The following GIPC2 variants were observed in gnomAD, a reference collection of about 807,000 sequenced individuals.
GIPC2 encodes GIPC PDZ domain containing family member 2, also known as PDZ domain-containing protein GIPC2.
Under a neutral mutation model 30.6 loss-of-function variants are expected in GIPC2, and 30 were observed. That is an observed-to-expected ratio of 0.98 (90% confidence interval 0.73 to 1.33). The LOEUF is 1.33. Among genes scored for constraint, GIPC2 ranks in the 40% most tolerant of loss-of-function variants. The probability of loss-of-function intolerance (pLI) is 0.00; values close to 1 mark genes in which losing one functional copy is unlikely to be tolerated. For missense variants in GIPC2, 414 were observed against 390.3 expected, an observed-to-expected ratio of 1.06 and a Z score of -0.51; for synonymous variants, 167 against 150.0, an observed-to-expected ratio of 1.11 and a Z score of -0.83.
intron 1 of GIPC2, among the ~76,000 whole-genome samples, chr1:78,068,270 C>G (rs1446039420): frequency 6.6e-6 from 1 of 152,180 alleles, no homozygotes; most frequent in South Asian, 2.1e-4. Context: ...GAGTTAATAT[C>G]CAACTCTCCC....
chr1:78,052,380 G>C (rs1661213225), intron 1 of GIPC2, among the ~76,000 whole-genome samples: 1 of 152,188 alleles, frequency 6.6e-6, no homozygotes, highest in African/African-American at 2.4e-5. Flanking sequence ...TGGCCCTCAA[G>C]GGCCTAGACT....
At chr1:78,130,869 A>G (rs1662880286) in intron 5 of GIPC2, among the ~76,000 whole-genome samples, 1 of 152,242 alleles carries the variant, frequency 6.6e-6, no homozygotes, top group South Asian at 2.1e-4. Context: ...AATGGAAATT[A>G]TATGTTGATC....
At chr1:78,124,571 C>A (rs12758374) in intron 4 of GIPC2, among the ~76,000 whole-genome samples, 75,342 of 152,034 alleles carry the variant, frequency 0.5, 20,401 homozygotes, top group Non-Finnish European at 0.61. Context: ...AAGATCTAGT[C>A]ATATTTGTCA....
Position 78,046,289 on chromosome 1 carries a change from G to A in GIPC2, c.195G>A (p.Glu65=). ...GRVEGFSSIQ[E]LYAQIAGAFE... is the part of the protein sequence containing the mutation. ...TGGAGGGCTTCTCCAGCATCCAGGA[G>A]CTCTACGCCCAGATCGCGGGCGCGT... The change falls in exon 1 of 6, where the codon GAG becomes GAA. Residue 65 remains glutamate, a synonymous_variant. Coordinates refer to ENST00000370759, the MANE Select transcript of GIPC2 (RefSeq NM_017655.6). 2.5e-6 allele frequency: 4 copies of A among 1,612,076 alleles called. No homozygotes were observed. The highest frequency in any genetic ancestry group is 1.3e-5 in the African/African-American group (1 of 74,934).
chr1:78,113,351 G>C (rs1662507280), intron 3 of GIPC2, among the ~76,000 whole-genome samples: 1 of 152,144 alleles, frequency 6.6e-6, no homozygotes, highest in South Asian at 2.1e-4. Flanking sequence ...TTGGACTACA[G>C]GCATGTCCCA....
Position 78,125,874 on chromosome 1 carries a change from G to A in GIPC2, c.715-7G>A. On this transcript the variant is annotated splice_region_variant and splice_polypyrimidine_tract_variant and intron_variant, in intron 4 of 5. Transcript: ENST00000370759. ...ATAATATCTTATTTCTCTCTTTTTTGATAAAGCCTTCTGAAACCAAAGCAA... is the reference window on the plus strand; with the variant it reads ...ATAATATCTTATTTCTCTCTTTTTTAATAAAGCCTTCTGAAACCAAAGCAA... 2 of 1,500,870 alleles carry A rather than the reference G, an allele frequency of 1.3e-6. No individual in the cohort carries two copies. Among genetic ancestry groups the A allele is most frequent in the South Asian group, 1.1e-5 (1 of 88,414 alleles). 93.0% of individuals were successfully genotyped at this position (1,500,870 alleles called of 1,614,324 possible). A position where few individuals can be genotyped will look rare whatever the true frequency, so the allele number is the denominator to read the frequency against.
chr1:78,059,428 A>G (rs1353076925), intron 1 of GIPC2, among the ~76,000 whole-genome samples: 1 of 152,226 alleles, frequency 6.6e-6, no homozygotes, highest in Non-Finnish European at 1.5e-5. Flanking sequence ...TTGAAATGGT[A>G]GAGACCCTGG....
In GIPC2 at chr1:78,137,617, G is replaced by A. The variant is rs1211928568; in HGVS notation, c.*1874G>A. 5.3e-5 allele frequency: 8 copies of A among 152,118 alleles called. No individual in the cohort carries two copies. Among genetic ancestry groups the A allele is most frequent in the Non-Finnish European group, 8.8e-5 (6 of 68,014 alleles). The allele number at this position is 152,118 out of a possible 1,614,324, so 9.4% of individuals were successfully genotyped here. ...TGTACAGCTGTAACTATATATACTT[G>A]TCTGTTAGCATTCAGTGGACCATTA... On this transcript the variant is annotated 3_prime_UTR_variant, in exon 6 of 6. Coordinates refer to ENST00000370759, the MANE Select transcript of GIPC2 (RefSeq NM_017655.6).
At position 78,130,688 on chromosome 1, in the gene GIPC2, A is replaced by G. The variant is rs190104537; in HGVS notation, c.796+4726A>G. Among the ~76,000 whole-genome samples, 102 of 152,328 alleles carry G rather than the reference A, an allele frequency of 6.7e-4. 1 individual carries two copies. Among genetic ancestry groups the G allele is most frequent in the Admixed American group, 1.8e-3 (27 of 15,306 alleles). ...TTCAAACCCTGCTATTTGCCATTTT[A>G]TAGATTTGAAAACTGACATTCAGAG... On this transcript the variant is annotated intron_variant, in intron 5 of 5. Coordinates refer to ENST00000370759, the MANE Select transcript of GIPC2 (RefSeq NM_017655.6).
At chr1:78,062,903 G>A (rs1167820498) in intron 1 of GIPC2, among the ~76,000 whole-genome samples, 2 of 152,114 alleles carry the variant, frequency 1.3e-5, no homozygotes, top group South Asian at 4.1e-4. Context: ...ACAATCTATA[G>A]AAGAAGCAAC....
chr1:78,118,573 A>T (rs1029377511), intron 3 of GIPC2, among the ~76,000 whole-genome samples: 2 of 152,216 alleles, frequency 1.3e-5, no homozygotes, highest in Non-Finnish European at 2.9e-5. Flanking sequence ...GCATAAGGAA[A>T]GTAGTGGCTC....
chr1:78,078,449 C>G (rs1458310265), intron 1 of GIPC2, among the ~76,000 whole-genome samples: 1 of 152,140 alleles, frequency 6.6e-6, no homozygotes, highest in African/African-American at 2.4e-5. Flanking sequence ...AACACAGCTT[C>G]CCATGAAGTT....
intron 1 of GIPC2, among the ~76,000 whole-genome samples, chr1:78,077,565 T>A (rs1661738397): frequency 6.6e-6 from 1 of 152,222 alleles, no homozygotes; most frequent in East Asian, 1.9e-4. Context: ...GAATCAGTCA[T>A]TTTCCTTACG....
At chr1:78,048,573 T>C (rs773466403) in intron 1 of GIPC2, among the ~76,000 whole-genome samples, 3 of 152,126 alleles carry the variant, frequency 2.0e-5, no homozygotes, top group Non-Finnish European at 2.9e-5. Context: ...ACTACAGGCA[T>C]GTGCCACCAC....
intron 1 of GIPC2, among the ~76,000 whole-genome samples, chr1:78,054,305 T>C (rs1661249785): frequency 6.6e-6 from 1 of 152,236 alleles, no homozygotes; most frequent in South Asian, 2.1e-4. Context: ...TTTTTAAATC[T>C]TGTTCTTAGA....
chr1:78,129,542 A>T (rs1175458366), intron 5 of GIPC2, among the ~76,000 whole-genome samples: 1 of 152,244 alleles, frequency 6.6e-6, no homozygotes, highest in Non-Finnish European at 1.5e-5. Flanking sequence ...GGTGTTTATT[A>T]TTTGAAAATG....
rs191580842 is a variant in GIPC2, at chr1:78,123,979, A to G, written c.715-1902A>G. ...AAGTTGTATTAATATCTTCAAGGAAATAGATTTTTATTTGCTATAAAATGC... is the reference window on the plus strand; with the variant it reads ...AAGTTGTATTAATATCTTCAAGGAAGTAGATTTTTATTTGCTATAAAATGC... On this transcript the variant is annotated intron_variant, in intron 4 of 5. Coordinates refer to ENST00000370759, the MANE Select transcript of GIPC2 (RefSeq NM_017655.6). 8.5e-5 allele frequency among the ~76,000 whole-genome samples: 13 copies of G among 152,372 alleles called. No homozygotes were observed. In the East Asian group the frequency reaches 2.5e-3, roughly 29 times the overall value.
At chr1:78,102,149 T>C (rs571083720) in intron 3 of GIPC2, among the ~76,000 whole-genome samples, 8 of 152,332 alleles carry the variant, frequency 5.3e-5, no homozygotes, top group Non-Finnish European at 1.0e-4. Context: ...AAAGCATTTA[T>C]GGTCTTTATT....
intron 1 of GIPC2, among the ~76,000 whole-genome samples, chr1:78,078,204 A>AC (rs1439926173): frequency 5.9e-5 from 9 of 151,504 alleles, no homozygotes; most frequent in East Asian, 1.9e-4. Flanking sequence ...AAAAAAAAAA[A>AC]AAAAAACCTA....
Sources: gnomAD v4.1 joint callset for allele counts (sites outside exome capture counted in the v4.1 genomes callset) on GRCh38, gnomAD v4.1.1 for gene constraint, MANE v1.5 for transcripts, NCBI Gene and HGNC (gene_info 2026-07-23, HGNC 2026-07-21) for gene names.